Variants in FILIP1 observed in about 807,000 individuals in gnomAD.
FILIP1 encodes filamin A interacting protein 1, also known as filamin-A-interacting protein 1.
FILIP1 carries 61 observed loss-of-function variants against 102.1 expected under a neutral mutation model. The observed-to-expected ratio is 0.60, with a 90% confidence interval of 0.49 to 0.74. The LOEUF (loss-of-function observed/expected upper bound fraction) is 0.74, where lower values mean the gene tolerates loss of function less well. Among genes scored for constraint, FILIP1 ranks in the 30% least tolerant of loss-of-function variants. The pLI, the probability that FILIP1 is intolerant of heterozygous loss-of-function variation, is 0.00. For missense variants in FILIP1, 1,314 were observed against 1,441.2 expected, an observed-to-expected ratio of 0.91 and a Z score of 1.43; for synonymous variants, 491 against 526.9, an observed-to-expected ratio of 0.93 and a Z score of 0.93.
At chr6:75,389,655 T>A (rs2149654834) in intron 2 of FILIP1, among the ~76,000 whole-genome samples, 1 of 152,328 alleles carries the variant, frequency 6.6e-6, no homozygotes, top group African/African-American at 2.4e-5. Context: ...CTAGTTTATT[T>A]GCATAGAAAC....
chr6:75,423,358 T>C (rs1777529384), intron 1 of FILIP1, among the ~76,000 whole-genome samples: 1 of 152,124 alleles, frequency 6.6e-6, no homozygotes, highest in Non-Finnish European at 1.5e-5. Flanking sequence ...TGAACATTTC[T>C]CGACCTGATT....
intron 2 of FILIP1, among the ~76,000 whole-genome samples, chr6:75,405,014 A>G: frequency 6.6e-6 from 1 of 152,086 alleles, no homozygotes; most frequent in East Asian, 1.9e-4. Context: ...TGCCTTTCTC[A>G]TTCAAACTTT....
intron 6 of FILIP1, among the ~76,000 whole-genome samples, chr6:75,302,709 T>C (rs988510191): frequency 2.0e-5 from 3 of 152,010 alleles, no homozygotes; most frequent in Non-Finnish European, 2.9e-5. Flanking sequence ...CTCAGAAGAA[T>C]GGAGAAGTAG....
intron 4 of FILIP1, among the ~76,000 whole-genome samples, chr6:75,337,012 A>T (rs1350916228): frequency 6.6e-6 from 1 of 152,172 alleles, no homozygotes; most frequent in Non-Finnish European, 1.5e-5. Flanking sequence ...TTCAGGAAGT[A>T]TCTTGTATTC....
intron 2 of FILIP1, among the ~76,000 whole-genome samples, chr6:75,388,397 G>A (rs1480849127): frequency 1.3e-5 from 2 of 152,184 alleles, no homozygotes; most frequent in Non-Finnish European, 2.9e-5. Context: ...ATTTAAAATA[G>A]TTTTTTCTAA....
chr6:75,337,496 T>A (rs1187559120), intron 4 of FILIP1, among the ~76,000 whole-genome samples: 7 of 152,080 alleles, frequency 4.6e-5, no homozygotes, highest in Non-Finnish European at 8.8e-5. Context: ...TCAATGTATG[T>A]GGGCAATCAC....
chr6:75,398,776 A>G (rs890537179), intron 2 of FILIP1: 17 of 152,228 alleles, frequency 1.1e-4, no homozygotes, highest in African/African-American at 3.9e-4. Context: ...AAAACATTTA[A>G]TAACTATCTT....
downstream of FILIP1, among the ~76,000 whole-genome samples, chr6:75,303,467 G>C (rs1772898385): frequency 6.6e-6 from 1 of 152,164 alleles, no homozygotes; most frequent in Non-Finnish European, 1.5e-5. Context: ...AAGCAGCAAA[G>C]CAGATTAGAT....
intron 1 of FILIP1, among the ~76,000 whole-genome samples, chr6:75,474,863 AAT>A (rs1339107281): frequency 6.6e-6 from 1 of 152,060 alleles, no homozygotes; most frequent in Admixed American, 6.5e-5. Context: ...CTGTCCTTGC[AAT>A]AGTGATGGAA....
chr6:75,400,063 C>G (rs1429397105), intron 2 of FILIP1, among the ~76,000 whole-genome samples: 1 of 152,094 alleles, frequency 6.6e-6, no homozygotes, highest in Non-Finnish European at 1.5e-5. Context: ...GCCACTAATA[C>G]TGGCACATCT....
intron 2 of FILIP1, among the ~76,000 whole-genome samples, chr6:75,410,462 A>G (rs559486660): frequency 1.6e-4 from 25 of 151,716 alleles, no homozygotes; most frequent in Admixed American, 5.3e-4. Context: ...GGTTTGTTAC[A>G]TAGGTATACA....
rs1197468939 is a variant in FILIP1 at position 75,313,239 on chromosome 6, T to C, written c.2593A>G (p.Met865Val). 8 of 1,614,080 alleles carry C rather than the reference T, an allele frequency of 5.0e-6. No individual in the cohort carries two copies. The highest frequency in any genetic ancestry group is 6.8e-6 in the Non-Finnish European group (8 of 1,180,040). Residue 865 changes from methionine to valine, a missense_variant, in exon 5 of 6, where the codon ATG becomes GTG. This residue lies in a region of FILIP1 where 816 missense variants were observed against 913.1 expected (regional missense o/e 0.89). Transcript: ENST00000237172. This position sits in a 1 kb window ranked among gnomAD's most constrained non-coding sequence, Gnocchi z 4.2. ...RYPPAANELT[M>V]RKSWIPWMRK... ...ATCCATGGAATCCAAGACTTTCTCA[T>C]AGTGAGCTCATTTGCTGCTGGAGGA...
At position 75,313,887 on chromosome 6, in the gene FILIP1, C is replaced by T; in HGVS notation, c.1945G>A (p.Val649Ile). Residue 649 changes from valine (V) to isoleucine (I), a missense_variant, in exon 5 of 6, where the codon GTC becomes ATC. Val to Ile is a conservative substitution (Grantham distance 29). Around this residue, in one of 3 missense-constraint regions of FILIP1, gnomAD observed 816 missense variants for 913.1 expected, o/e 0.89. Coordinates refer to ENST00000237172, the MANE Select transcript of FILIP1 (RefSeq NM_015687.5). This position sits in a 1 kb window ranked among gnomAD's most constrained non-coding sequence, Gnocchi z 4.2. ...TCTGTCTTCATCAAATCCCCTTCGA[C>T]CACTTCCAATTGTTGGAGACGTTTC... is the stretch of plus-strand genomic sequence containing the variant. ...LKKRLQQLEV[V>I]EGDLMKTEDE... 6.2e-7 allele frequency: 1 copy of T among 1,614,034 alleles called. No homozygotes were observed. The highest frequency in any genetic ancestry group is 1.1e-5 in the South Asian group (1 of 91,042).
chr6:75,321,924 G>A (rs1773678000), intron 4 of FILIP1, among the ~76,000 whole-genome samples: 1 of 152,090 alleles, frequency 6.6e-6, no homozygotes, highest in African/African-American at 2.4e-5. Flanking sequence ...AGAATTAGAA[G>A]GACCTATGGA....
chr6:75,314,444 G>A lies in FILIP1; in HGVS notation c.1388C>T (p.Thr463Ile). ...CTCCAATTCATTTAGCAGGTCTTTG[G>A]TTAAGTTCTTTTCTTTCTCCAGATT... ...HLNLEKEKNL[T>I]KDLLNELEVV... The change falls in exon 5 of 6, where the codon ACC becomes ATC. Residue 463 changes from threonine (T) to isoleucine (I), a missense_variant. Thr to Ile is a moderately conservative substitution (Grantham distance 89). Coordinates refer to ENST00000237172, the MANE Select transcript of FILIP1 (RefSeq NM_015687.5). 1 of 1,578,978 alleles carries A rather than the reference G, an allele frequency of 6.3e-7. No homozygotes were observed. Among genetic ancestry groups the A allele is most frequent in the Middle Eastern group, 1.7e-4 (1 of 5,856 alleles).
At chr6:75,463,875 G>T (rs190655852) in intron 1 of FILIP1, among the ~76,000 whole-genome samples, 10 of 152,254 alleles carry the variant, frequency 6.6e-5, no homozygotes, top group Non-Finnish European at 2.9e-5. Context: ...TAGTTGAATT[G>T]TTCATATTAG....
intron 3 of FILIP1, among the ~76,000 whole-genome samples, chr6:75,356,712 A>C (rs1314017682): frequency 6.6e-6 from 1 of 151,802 alleles, no homozygotes; most frequent in Non-Finnish European, 1.5e-5. Flanking sequence ...CAGGTGATCC[A>C]CTCACCTCTG....
chr6:75,473,617 G>C (rs1260925539), intron 1 of FILIP1: 1 of 152,126 alleles, frequency 6.6e-6, no homozygotes, highest in Admixed American at 6.5e-5. Flanking sequence ...TTCACTCATG[G>C]GAAAGCAAAA....
At chr6:75,381,456 C>A (rs559600409) in intron 2 of FILIP1, among the ~76,000 whole-genome samples, 93 of 152,236 alleles carry the variant, frequency 6.1e-4, no homozygotes, top group African/African-American at 2.1e-3. Context: ...TCTTGAACTC[C>A]TGACCTCGTT....
Sources: allele counts gnomAD v4.1 joint callset (sites outside exome capture counted in the v4.1 genomes callset), GRCh38; gene constraint gnomAD v4.1.1; regional missense constraint gnomAD v4.1.1; non-coding constraint Gnocchi (gnomAD v3.1); transcripts MANE v1.5; gene names NCBI Gene and HGNC (gene_info 2026-07-23, HGNC 2026-07-21).